The following FLT1 variants were observed in gnomAD, a reference collection of about 807,000 sequenced individuals.
FLT1 encodes vascular endothelial growth factor receptor 1.
FLT1 carries 49 observed loss-of-function variants against 156.3 expected under a neutral mutation model. The ratio of observed to expected loss-of-function variants is 0.31; its 90% CI spans 0.25 to 0.40. FLT1 has a LOEUF of 0.40. FLT1 is among the 10% of genes least tolerant of loss of function. FLT1 has a pLI of 1.00. For synonymous variants in FLT1, 594 were observed against 583.8 expected, an observed-to-expected ratio of 1.02 and a Z score of -0.25; for missense variants, 1,322 against 1,637.2, an observed-to-expected ratio of 0.81 and a Z score of 3.32.
chr13:28,353,907 A>T (rs1221948245), intron 15 of FLT1, among the ~76,000 whole-genome samples: 1 of 152,224 alleles, frequency 6.6e-6, no homozygotes, highest in African/African-American at 2.4e-5. Context: ...ATCTGTGAGT[A>T]TAAGAATCCT....
At position 28,457,936 on chromosome 13, in the gene FLT1, T is replaced by TTTTC. The variant is rs1879355032; in HGVS notation, c.388+8966_388+8967insGAAA. Among the ~76,000 whole-genome samples the TTTTC allele has an allele frequency of 2.1e-5, 3 of 142,510 alleles. No individual in the cohort carries two copies. The South Asian group carries it at 6.8e-4, about 32-fold the overall frequency. The allele number at this position is 142,510 out of a possible 152,430, so 93.5% of individuals were successfully genotyped here. Reference sequence around the variant, plus strand: ...TTTTCCTTTTTTCTTTCCTTTTCTTTTTTTTTTTTTTTTTTTGTGATGGAG... The same window carrying TTTTC: ...TTTTCCTTTTTTCTTTCCTTTTCTTTTTTCTTTTTTTTTTTTTTTTGTGATGGAG... On this transcript the variant is annotated intron_variant, in intron 3 of 29. Transcript: ENST00000282397.
At chr13:28,352,777 G>A (rs1461062178) in intron 15 of FLT1, among the ~76,000 whole-genome samples, 3 of 152,132 alleles carry the variant, frequency 2.0e-5, no homozygotes, top group South Asian at 2.1e-4. Context: ...ATATTCATGC[G>A]AATTAGTTTA....
Position 28,322,813 on chromosome 13 carries a change from AGACTTTTATCTTCCT to A in FLT1, c.2915_2929del (p.Gln972_Ser976del). ...ACCCTCCTCTTCCTCAACATCACTC[AGACTTTTATCTTCCT>A]GAAAGCCGGAGCTCGCAAAGCTTTC... is the stretch of plus-strand genomic sequence containing the variant. On this transcript the variant is annotated inframe_deletion, in exon 21 of 30. Coordinates refer to ENST00000282397, the MANE Select transcript of FLT1 (RefSeq NM_002019.4). This position sits in a 1 kb window ranked among gnomAD's most constrained non-coding sequence, Gnocchi z 4.3. The A allele has an allele frequency of 6.2e-7, 1 of 1,614,132 alleles. No homozygotes were observed. Among genetic ancestry groups the A allele is most frequent in the Non-Finnish European group, 8.5e-7 (1 of 1,180,032 alleles).
intron 15 of FLT1, among the ~76,000 whole-genome samples, chr13:28,348,237 C>T (rs1872628032): frequency 6.6e-6 from 1 of 152,230 alleles, no homozygotes; most frequent in South Asian, 2.1e-4. Context: ...TGTCCTCCAC[C>T]TCTGCAGCCA....
At chr13:28,396,581 A>C (rs79859756) in intron 12 of FLT1, among the ~76,000 whole-genome samples, 9,541 of 152,260 alleles carry the variant, frequency 0.063, 583 homozygotes, top group Admixed American at 0.19. Context: ...TAAAACAAAA[A>C]CAAAACCAAA....
intron 1 of FLT1, among the ~76,000 whole-genome samples, chr13:28,473,918 A>G (rs1175769787): frequency 2.0e-5 from 3 of 152,196 alleles, no homozygotes; most frequent in Non-Finnish European, 4.4e-5. Context: ...GATCCTTACA[A>G]TGTGGTATTA....
intron 10 of FLT1, among the ~76,000 whole-genome samples, chr13:28,423,303 A>G (rs917343945): frequency 1.3e-5 from 2 of 152,034 alleles, no homozygotes; most frequent in African/African-American, 4.8e-5. Context: ...ACACCCTTCC[A>G]TTTACTCTTC....
chr13:28,324,334 C>T (rs1364950142), intron 20 of FLT1, among the ~76,000 whole-genome samples: 1 of 152,124 alleles, frequency 6.6e-6, no homozygotes, highest in Non-Finnish European at 1.5e-5. Flanking sequence ...ACCCGCGTAC[C>T]CCATCCTTCC....
At chr13:28,327,303 T>C (rs1203483661) in intron 20 of FLT1, among the ~76,000 whole-genome samples, 159 bp downstream of exon 20, 1 of 152,196 alleles carries the variant, frequency 6.6e-6, no homozygotes, top group Non-Finnish European at 1.5e-5. Context: ...TGTAACAGAT[T>C]ATCAGGGGAA....
At chr13:28,364,936 A>G (rs1873236397) in intron 14 of FLT1, among the ~76,000 whole-genome samples, 1 of 152,074 alleles carries the variant, frequency 6.6e-6, no homozygotes, top group South Asian at 2.1e-4. Context: ...ATACTTCAAT[A>G]CTTTATACTT....
chr13:28,480,366 C>A (rs1457717942), intron 1 of FLT1, among the ~76,000 whole-genome samples: 1 of 152,032 alleles, frequency 6.6e-6, no homozygotes, highest in East Asian at 1.9e-4. Flanking sequence ...TTAGCATGGA[C>A]AACAGATAAA....
intron 1 of FLT1, among the ~76,000 whole-genome samples, chr13:28,477,718 A>C (rs1880630586): frequency 6.6e-6 from 1 of 152,204 alleles, no homozygotes; most frequent in Non-Finnish European, 1.5e-5. Context: ...TTTACATTTG[A>C]AGCATACTCC....
At chr13:28,483,956 T>C (rs1048178566) in intron 1 of FLT1, among the ~76,000 whole-genome samples, 3 of 152,206 alleles carry the variant, frequency 2.0e-5, no homozygotes, top group African/African-American at 7.2e-5. Context: ...AGACCTAGGT[T>C]TGAATCTTGG....
intron 1 of FLT1, among the ~76,000 whole-genome samples, chr13:28,474,478 A>AC (rs1880426407): frequency 3.4e-5 from 5 of 146,090 alleles, no homozygotes; most frequent in Admixed American, 1.4e-4. Context: ...AAAACAAAAC[A>AC]ACCACAGACA....
chr13:28,370,535 C>T (rs892180657), intron 14 of FLT1, among the ~76,000 whole-genome samples: 1 of 152,146 alleles, frequency 6.6e-6, no homozygotes, highest in Non-Finnish European at 1.5e-5. Context: ...AAAATGAATC[C>T]TTTGAAACGG....
At chr13:28,313,245 C>T (rs1373715689) in intron 25 of FLT1, among the ~76,000 whole-genome samples, 2 of 152,122 alleles carry the variant, frequency 1.3e-5, no homozygotes, top group Non-Finnish European at 2.9e-5. Context: ...TCCCAAAGTT[C>T]TGGGATTACA....
intron 14 of FLT1, among the ~76,000 whole-genome samples, chr13:28,383,477 C>A (rs1056842004): frequency 6.6e-6 from 1 of 151,972 alleles, no homozygotes; most frequent in Non-Finnish European, 1.5e-5. Context: ...TCCTGGCCAA[C>A]ATGATGAAAC....
At chr13:28,326,695 T>G (rs1871696852) in intron 20 of FLT1, among the ~76,000 whole-genome samples, 1 of 151,864 alleles carries the variant, frequency 6.6e-6, no homozygotes, top group African/African-American at 2.4e-5. Context: ...CTGGCTAATT[T>G]TTGTATTTTT....
At chr13:28,353,195 T>C (rs574378029) in intron 15 of FLT1, among the ~76,000 whole-genome samples, 1 of 152,296 alleles carries the variant, frequency 6.6e-6, no homozygotes, top group South Asian at 2.1e-4. Context: ...ATGTTTAGAA[T>C]GATAGTTATT....
Sources: gnomAD v4.1 joint callset for allele counts (sites outside exome capture counted in the v4.1 genomes callset) on GRCh38, gnomAD v4.1.1 for gene constraint, Gnocchi (gnomAD v3.1) non-coding constraint, MANE v1.5 for transcripts, NCBI Gene and HGNC (gene_info 2026-07-23, HGNC 2026-07-21) for gene names.